Variants in RSAD2 observed in about 807,000 individuals in gnomAD.
RSAD2 encodes S-adenosylmethionine-dependent nucleotide dehydratase RSAD2.
RSAD2 carries 38 observed loss-of-function variants against 37.7 expected under a neutral mutation model. That is an observed-to-expected ratio of 1.01 (90% CI 0.78 to 1.32). The LOEUF (loss-of-function observed/expected upper bound fraction) is 1.32, where lower values mean the gene tolerates loss of function less well. Among genes scored for constraint, RSAD2 ranks in the 40% most tolerant of loss-of-function variants. The probability of loss-of-function intolerance (pLI) is 0.00; values close to 1 mark genes in which losing one functional copy is unlikely to be tolerated. For synonymous variants in RSAD2, 163 were observed against 157.4 expected, an observed-to-expected ratio of 1.04 and a Z score of -0.27; for missense variants, 428 against 437.5, an observed-to-expected ratio of 0.98 and a Z score of 0.19.
At chr2:6,868,776 T>C (rs1254069561) in intron 1 of RSAD2, among the ~76,000 whole-genome samples, 2 of 152,098 alleles carry the variant, frequency 1.3e-5, no homozygotes, top group East Asian at 3.9e-4. Flanking sequence ...GAGGGAAGAG[T>C]TGCCATAACA....
chr2:6,884,775 G>A (rs1014060767), intron 2 of RSAD2, among the ~76,000 whole-genome samples: 8 of 152,232 alleles, frequency 5.3e-5, no homozygotes, highest in Non-Finnish European at 1.2e-4. Flanking sequence ...TATAGTGCAT[G>A]AGTGGAGCGC....
rs1395899824 is a variant in RSAD2, at chr2:6,896,517, C to T, written c.*575C>T. 6.9e-6 allele frequency: 1 copy of T among 144,388 alleles called. No individual in the cohort carries two copies. The highest frequency in any genetic ancestry group is 1.5e-5 in the Non-Finnish European group (1 of 67,012). The allele number at this position is 144,388 out of a possible 1,614,324, so 8.9% of individuals were successfully genotyped here. A position where few individuals can be genotyped will look rare whatever the true frequency, so the allele number is the denominator to read the frequency against. ...TACAAAGTATCTGCCTCAATTATTT[C>T]TGCTGGTTATAATGCTTTTTTTTTT... is the stretch of plus-strand genomic sequence containing the variant. On this transcript the variant is annotated 3_prime_UTR_variant, in exon 6 of 6. Transcript: ENST00000382040.
At chr2:6,866,463 C>G (rs975596535) in intron 1 of RSAD2, 1 of 985,702 alleles carries the variant, frequency 1.0e-6, no homozygotes, top group Non-Finnish European at 1.2e-6. Flanking sequence ...GAATTGCCCT[C>G]TCCCTTTTGC....
At position 6,896,269 on chromosome 2, in the gene RSAD2, T is replaced by G; in HGVS notation, c.*327T>G. 1 of 197,764 alleles carries G rather than the reference T, an allele frequency of 5.1e-6. No individual in the cohort carries two copies. The highest frequency in any genetic ancestry group is 2.3e-5 in the African/African-American group (1 of 43,544). 12.3% of individuals were successfully genotyped at this position (197,764 alleles called of 1,614,324 possible). A position where few individuals can be genotyped will look rare whatever the true frequency, so the allele number is the denominator to read the frequency against. ...CAAAAATGCTTAGATAAGGCCCCTA[T>G]ACACAGGACCTGACATTTAGCTCAA... On this transcript the variant is annotated 3_prime_UTR_variant, in exon 6 of 6. Transcript: ENST00000382040.
chr2:6,874,859 G>C (rs1295927659), upstream of RSAD2, among the ~76,000 whole-genome samples: 2 of 152,130 alleles, frequency 1.3e-5, no homozygotes, highest in African/African-American at 4.8e-5. Context: ...TGTAAGTTCA[G>C]TAAAAATCTG....
At chr2:6,871,752 G>A (rs1357915122) in intron 1 of RSAD2, among the ~76,000 whole-genome samples, 1 of 152,030 alleles carries the variant, frequency 6.6e-6, no homozygotes, top group Admixed American at 6.6e-5. Context: ...TACCAGATTG[G>A]CTTCTAAAAA....
At chr2:6,889,026 C>A (rs1255670531) in intron 3 of RSAD2, among the ~76,000 whole-genome samples, 3 of 152,218 alleles carry the variant, frequency 2.0e-5, no homozygotes, top group Non-Finnish European at 4.4e-5. Context: ...CATGCCCAAT[C>A]CCACACCCTC....
chr2:6,871,098 T>C (rs1663196611), intron 1 of RSAD2, among the ~76,000 whole-genome samples: 1 of 152,188 alleles, frequency 6.6e-6, no homozygotes, highest in Non-Finnish European at 1.5e-5. Context: ...AGTTGGTACT[T>C]TGAAAGTCCT....
upstream of RSAD2, among the ~76,000 whole-genome samples, chr2:6,874,103 C>G (rs921629988): frequency 1.6e-4 from 24 of 152,064 alleles, no homozygotes; most frequent in African/African-American, 5.8e-4. Flanking sequence ...GAGATCTGAT[C>G]GTTTAAAAGT....
intron 4 of RSAD2, among the ~76,000 whole-genome samples, chr2:6,891,275 A>G (rs1054117679): frequency 1.3e-5 from 2 of 152,222 alleles, no homozygotes; most frequent in African/African-American, 4.8e-5. Context: ...TAAAATATGA[A>G]GCATAAAGTT....
In RSAD2 at chr2:6,895,831, G is replaced by A; in HGVS notation, c.975G>A (p.Leu325=). Residue 325 remains leucine (L), a synonymous_variant, in exon 6 of 6, where the codon CTG becomes CTA. Coordinates refer to ENST00000382040, the MANE Select transcript of RSAD2 (RefSeq NM_080657.5). ...GGAAGGACCCTTCCAAGTCCATCCT[G>A]GATGTTGGTGTAGAAGAAGCTATAA... ...KGRKDPSKSI[L]DVGVEEAIKF... is the part of the protein sequence containing the mutation. The A allele has an allele frequency of 6.2e-7, 1 of 1,614,162 alleles. No homozygotes were observed. Among genetic ancestry groups the A allele is most frequent in the Non-Finnish European group, 8.5e-7 (1 of 1,179,990 alleles).
intron 1 of RSAD2, among the ~76,000 whole-genome samples, chr2:6,872,471 T>C (rs539885771): frequency 6.7e-4 from 102 of 152,266 alleles, no homozygotes; most frequent in Non-Finnish European, 1.4e-3. Flanking sequence ...GATTAAAGTG[T>C]GTGATTAAGC....
chr2:6,878,707 A>G (rs999505799), intron 1 of RSAD2: 1 of 424,704 alleles, frequency 2.4e-6, no homozygotes, highest in Admixed American at 4.5e-5. Flanking sequence ...GAGCATCACC[A>G]CATTAGTAAC....
rs760116163 is a variant in RSAD2, at chr2:6,878,014, C to T, written c.214C>T (p.Pro72Ser). 6.8e-6 allele frequency: 11 copies of T among 1,614,218 alleles called. No homozygotes were observed. In the South Asian group the frequency reaches 1.1e-4, roughly 16 times the overall value. Residue 72 changes from proline to serine, a missense_variant, in exon 1 of 6, where the codon CCA becomes TCA. Transcript: ENST00000382040. ...EEEDPPLPTT[P>S]TSVNYHFTRQ... is the part of the protein sequence containing the mutation. Reference sequence around the variant, plus strand: ...AGAGGACCCTCCTCTGCCCACCACCCCAACCAGCGTCAACTATCACTTCAC... The same window carrying T: ...AGAGGACCCTCCTCTGCCCACCACCTCAACCAGCGTCAACTATCACTTCAC...
At chr2:6,873,858 A>G (rs1663240536), upstream of RSAD2, among the ~76,000 whole-genome samples, 1 of 152,248 alleles carries the variant, frequency 6.6e-6, no homozygotes, top group Non-Finnish European at 1.5e-5. Flanking sequence ...CCTTTAAGTT[A>G]TATTTATATA....
intron 5 of RSAD2, among the ~76,000 whole-genome samples, chr2:6,894,661 G>A (rs890111501): frequency 2.6e-5 from 4 of 152,176 alleles, no homozygotes; most frequent in African/African-American, 9.7e-5. Context: ...GTAGAGATTG[G>A]ATTTTGCCAT....
upstream of RSAD2, chr2:6,877,239 GA>G (rs1663299923): frequency 6.6e-6 from 1 of 152,302 alleles, no homozygotes; most frequent in Admixed American, 6.5e-5. Context: ...ATAGCTGATG[GA>G]ATAAGACCTA....
rs1334805712 is a variant in RSAD2, at chr2:6,896,094, A to G, written c.*152A>G. ...ATCTGATTACCTGTGGTCACTGAACACACGAATAACTTGGATAGCAAATCC... is the reference window on the plus strand; with the variant it reads ...ATCTGATTACCTGTGGTCACTGAACGCACGAATAACTTGGATAGCAAATCC... On this transcript the variant is annotated 3_prime_UTR_variant, in exon 6 of 6. Transcript: ENST00000382040. 1 of 601,050 alleles carries G rather than the reference A, an allele frequency of 1.7e-6. No homozygotes were observed. The highest frequency in any genetic ancestry group is 2.8e-6 in the Non-Finnish European group (1 of 356,072). 37.2% of individuals were successfully genotyped at this position (601,050 alleles called of 1,614,324 possible).
intron 1 of RSAD2, among the ~76,000 whole-genome samples, chr2:6,871,941 G>T (rs1194432811): frequency 6.6e-6 from 1 of 152,036 alleles, no homozygotes; most frequent in Admixed American, 6.6e-5. Flanking sequence ...TATTATACTT[G>T]CCTGCCATTC....
Sources: gnomAD v4.1 joint callset for allele counts (sites outside exome capture counted in the v4.1 genomes callset) on GRCh38, gnomAD v4.1.1 for gene constraint, MANE v1.5 for transcripts, NCBI Gene and HGNC (gene_info 2026-07-23, HGNC 2026-07-21) for gene names.